Variants in SCHIP1 observed in about 807,000 individuals in gnomAD.
The protein encoded by SCHIP1 is schwannomin-interacting protein 1.
In SCHIP1, 8 loss-of-function variants were observed where a neutral mutation model predicts 29.7. The observed-to-expected ratio is 0.27, with a 90% confidence interval of 0.16 to 0.49. The LOEUF (loss-of-function observed/expected upper bound fraction) is 0.49. SCHIP1 is among the 20% of genes least tolerant of loss of function. SCHIP1 has a pLI of 0.99. For missense variants in SCHIP1, 193 were observed against 294.6 expected, an observed-to-expected ratio of 0.66 and a Z score of 2.52; for synonymous variants, 76 against 94.9, an observed-to-expected ratio of 0.80 and a Z score of 1.16.
At chr3:159,760,315 G>C in the SCHIP1 span, among the ~76,000 whole-genome samples, 1 of 152,170 alleles carries the variant, frequency 6.6e-6, no homozygotes, top group Admixed American at 6.5e-5. Flanking sequence ...AGGGCAGACT[G>C]AGATCTAGTT....
the SCHIP1 span, among the ~76,000 whole-genome samples, chr3:159,749,540 C>T: frequency 6.6e-6 from 1 of 152,122 alleles, no homozygotes; most frequent in Non-Finnish European, 1.5e-5. Flanking sequence ...CCATCTTGCA[C>T]TAGGTCGCGC....
At chr3:159,416,078 CTA>C in the SCHIP1 span, among the ~76,000 whole-genome samples, 2 of 152,166 alleles carry the variant, frequency 1.3e-5, no homozygotes, top group South Asian at 4.1e-4. Flanking sequence ...CTAGCCCCTC[CTA>C]TCTCTCTGAA....
At chr3:159,424,270 G>T in the SCHIP1 span, among the ~76,000 whole-genome samples, 34 of 152,080 alleles carry the variant, frequency 2.2e-4, no homozygotes, top group East Asian at 5.4e-3. Context: ...CAAACTAAAG[G>T]CAAAGAAGTT....
chr3:159,857,059 C>G (rs1713465403), intron 1 of SCHIP1, among the ~76,000 whole-genome samples: 1 of 152,204 alleles, frequency 6.6e-6, no homozygotes. Context: ...TGGGAAAAAT[C>G]TCTTCCGCTT....
At chr3:159,442,342 C>T in the SCHIP1 span, among the ~76,000 whole-genome samples, 6 of 152,130 alleles carry the variant, frequency 3.9e-5, no homozygotes, top group Admixed American at 3.3e-4. Context: ...GAATGGTCCC[C>T]AGCAGGAAGA....
the SCHIP1 span, among the ~76,000 whole-genome samples, chr3:159,790,073 T>A: frequency 2.0e-5 from 3 of 152,192 alleles, no homozygotes; most frequent in Admixed American, 1.3e-4. Context: ...CTACCTGGAC[T>A]TTATACTTGG....
At chr3:159,686,392 A>G in the SCHIP1 span, among the ~76,000 whole-genome samples, 1 of 152,236 alleles carries the variant, frequency 6.6e-6, no homozygotes, top group East Asian at 1.9e-4. Context: ...TCCTATTAGT[A>G]GGTCTTTGAG....
the SCHIP1 span, among the ~76,000 whole-genome samples, chr3:159,760,203 G>C: frequency 6.6e-6 from 1 of 152,134 alleles, no homozygotes; most frequent in Non-Finnish European, 1.5e-5. Flanking sequence ...GCTAGACTTG[G>C]TGGTTTAGGA....
chr3:159,505,909 G>A, the SCHIP1 span, among the ~76,000 whole-genome samples: 1 of 152,168 alleles, frequency 6.6e-6, no homozygotes, highest in Admixed American at 6.5e-5. Flanking sequence ...CTTTGCTATT[G>A]TGAATAGTGC....
chr3:159,806,687 C>T, the SCHIP1 span, among the ~76,000 whole-genome samples: 1 of 152,220 alleles, frequency 6.6e-6, no homozygotes, highest in Non-Finnish European at 1.5e-5. Context: ...GCTGTTCAGT[C>T]TTGGCAGGCA....
the SCHIP1 span, among the ~76,000 whole-genome samples, chr3:159,828,385 A>ATATATG: frequency 1.4e-5 from 1 of 71,658 alleles, no homozygotes; most frequent in African/African-American, 4.6e-5. Context: ...ACATATATAT[A>ATATATG]TACATATATA....
chr3:159,884,363 G>GTGTT (rs1457667916), intron 2 of SCHIP1, among the ~76,000 whole-genome samples: 2 of 151,188 alleles, frequency 1.3e-5, no homozygotes, highest in Non-Finnish European at 3.0e-5. Flanking sequence ...GTGTGTGTGT[G>GTGTT]TGTGTGTGTG....
the SCHIP1 span, among the ~76,000 whole-genome samples, chr3:159,737,993 T>C: frequency 6.6e-5 from 10 of 152,230 alleles, no homozygotes; most frequent in Admixed American, 6.5e-4. Context: ...AGACATGTAT[T>C]TAAGTTTGTT....
At chr3:159,876,938 A>G (rs1176794419) in intron 2 of SCHIP1, among the ~76,000 whole-genome samples, 1 of 152,220 alleles carries the variant, frequency 6.6e-6, no homozygotes, top group Non-Finnish European at 1.5e-5. Flanking sequence ...GTCAGAAGGC[A>G]TGAGTGGACA....
chr3:159,276,345 T>A, the SCHIP1 span, among the ~76,000 whole-genome samples: 2 of 152,160 alleles, frequency 1.3e-5, no homozygotes, highest in Admixed American at 6.5e-5. Context: ...GTTATTTCAG[T>A]GAGCAGGATG....
chr3:159,395,401 A>C, the SCHIP1 span, among the ~76,000 whole-genome samples: 1 of 151,688 alleles, frequency 6.6e-6, no homozygotes, highest in East Asian at 1.9e-4. Flanking sequence ...AGTTCTTTTA[A>C]TTGTGATGTT....
the SCHIP1 span, among the ~76,000 whole-genome samples, chr3:159,539,752 T>C: frequency 7.4e-6 from 1 of 135,906 alleles, no homozygotes; most frequent in Non-Finnish European, 1.7e-5. Context: ...CTCTGAGTGC[T>C]TTCCCCCCAT....
chr3:159,428,754 T>A, the SCHIP1 span, among the ~76,000 whole-genome samples: 2 of 151,916 alleles, frequency 1.3e-5, no homozygotes, highest in African/African-American at 4.8e-5. Context: ...CACGTATGTT[T>A]ATTGCGGCAC....
chr3:159,371,051 G>T, the SCHIP1 span, among the ~76,000 whole-genome samples: 1 of 49,938 alleles, frequency 2.0e-5, no homozygotes, highest in Non-Finnish European at 4.3e-5. Flanking sequence ...CTTGTTTATT[G>T]TCTGTCTTTC....
Sources: allele counts gnomAD v4.1 joint callset (sites outside exome capture counted in the v4.1 genomes callset), GRCh38; gene constraint gnomAD v4.1.1; transcripts MANE v1.5; gene names NCBI Gene and HGNC (gene_info 2026-07-23, HGNC 2026-07-21).